The following TNKS variants were observed in gnomAD, a reference collection of about 807,000 sequenced individuals.
The protein encoded by TNKS is tankyrase.
TNKS carries 72 observed loss-of-function variants against 135.8 expected under a neutral mutation model. The observed-to-expected ratio is 0.53, with a 90% confidence interval of 0.44 to 0.64. The LOEUF is 0.64. Among genes scored for constraint, TNKS ranks in the 30% least tolerant of loss-of-function variants. TNKS has a pLI of 0.00. For missense variants in TNKS, 1,769 were observed against 1,674.0 expected (o/e 1.06, Z -0.99); for synonymous variants, 849 against 649.3 (o/e 1.31, Z -4.68).
In TNKS at chr8:9,767,347, C is replaced by CAAAAGAATTATACTGTACAAA. The variant is rs1158423761; in HGVS notation, c.3740+923_3740+943dup. ...CCCTTTCCTTGGCAATGAAAAAATA[C>CAAAAGAATTATACTGTACAAA]AAAAGAATTATACTGTACAAAGATT... On this transcript the variant is annotated intron_variant, in intron 25 of 26. Transcript: ENST00000310430. 2.0e-4 allele frequency among the ~76,000 whole-genome samples: 31 copies of CAAAAGAATTATACTGTACAAA among 152,242 alleles called. 1 individual carries two copies. Among genetic ancestry groups the CAAAAGAATTATACTGTACAAA allele is most frequent in the Admixed American group, 1.9e-3 (29 of 15,296 alleles).
At chr8:9,732,617 C>T (rs1347086801) in intron 14 of TNKS, among the ~76,000 whole-genome samples, 1 of 148,522 alleles carries the variant, frequency 6.7e-6, no homozygotes, top group African/African-American at 2.5e-5. Context: ...TACTTTGCTT[C>T]TGCCATGTGT....
chr8:9,764,707 G>T lies in TNKS; in HGVS notation c.3373-9G>T, dbSNP rs751380495. 1.7e-5 allele frequency: 27 copies of T among 1,587,798 alleles called. No individual in the cohort carries two copies. The highest frequency in any genetic ancestry group is 9.2e-5 in the Admixed American group (5 of 54,380). ...ATGTTTTTATAAAATTAGTTATTTT[G>T]TTCTGTAGATGCAAAGTACTATTCG... On this transcript the variant is annotated splice_polypyrimidine_tract_variant and intron_variant, in intron 22 of 26. Coordinates refer to ENST00000310430, the MANE Select transcript of TNKS (RefSeq NM_003747.3).
intron 20 of TNKS, 90 bp from the exon 21 acceptor site, chr8:9,761,426 G>A: frequency 7.6e-7 from 1 of 1,317,882 alleles, no homozygotes; most frequent in Non-Finnish European, 1.0e-6. Flanking sequence ...TAATTTGAAT[G>A]GTACTCGTAG....
chr8:9,560,064 T>A (rs1336930455), intron 1 of TNKS, among the ~76,000 whole-genome samples: 1 of 152,138 alleles, frequency 6.6e-6, no homozygotes, highest in Non-Finnish European at 1.5e-5. Context: ...TTGACCCTGG[T>A]TTTCTATTAT....
rs192682380 is a variant in TNKS at position 9,574,102 on chromosome 8, G to C, written c.674-6057G>C. On this transcript the variant is annotated intron_variant, in intron 1 of 26. Transcript: ENST00000310430. ...ATATTGGGGTTAGGCTATGTGTTAGGAATTTGGGTTTCTTCACTGCCAGCA... is the reference window on the plus strand; with the variant it reads ...ATATTGGGGTTAGGCTATGTGTTAGCAATTTGGGTTTCTTCACTGCCAGCA... Among the ~76,000 whole-genome samples, 189 of 152,222 alleles carry C rather than the reference G, an allele frequency of 1.2e-3. 1 individual carries two copies. The highest frequency in any genetic ancestry group is 4.3e-3 in the African/African-American group (177 of 41,534).
chr8:9,596,120 T>TATAC (rs1463110788), intron 2 of TNKS, among the ~76,000 whole-genome samples: 15 of 152,098 alleles, frequency 9.9e-5, no homozygotes, highest in African/African-American at 3.1e-4. Flanking sequence ...AAAATACATA[T>TATAC]ATACATACAT....
At chr8:9,651,237 G>T (rs924994635) in intron 3 of TNKS, among the ~76,000 whole-genome samples, 3 of 151,560 alleles carry the variant, frequency 2.0e-5, no homozygotes, top group African/African-American at 7.3e-5. Flanking sequence ...CACTTCTGTT[G>T]GTTTTTTTAA....
intron 3 of TNKS, among the ~76,000 whole-genome samples, chr8:9,633,898 G>A (rs1226437263): frequency 6.6e-6 from 1 of 152,082 alleles, no homozygotes; most frequent in African/African-American, 2.4e-5. Context: ...TAGCTTGGCA[G>A]CAACCTTGTT....
At chr8:9,719,959 G>A (rs996988693) in intron 11 of TNKS, among the ~76,000 whole-genome samples, 3 of 152,122 alleles carry the variant, frequency 2.0e-5, no homozygotes, top group South Asian at 2.1e-4. Context: ...GACAGTCTTT[G>A]CTTACATATG....
intron 2 of TNKS, among the ~76,000 whole-genome samples, chr8:9,596,705 T>C (rs139931640): frequency 0.011 from 1,707 of 152,342 alleles, 16 homozygotes; most frequent in Non-Finnish European, 0.016. Flanking sequence ...TTTCAGACTT[T>C]TGTGTCAAGC....
intron 2 of TNKS, among the ~76,000 whole-genome samples, chr8:9,597,132 T>A (rs1421018470): frequency 2.6e-5 from 4 of 152,246 alleles, no homozygotes; most frequent in Non-Finnish European, 5.9e-5. Context: ...CAATTAAGTA[T>A]GAATTGCAAT....
intron 26 of TNKS, among the ~76,000 whole-genome samples, chr8:9,772,930 G>A (rs1260945247): frequency 6.7e-6 from 1 of 148,418 alleles, no homozygotes; most frequent in Non-Finnish European, 1.5e-5. Context: ...TAAAGCAAAT[G>A]AGATAAATAA....
At chr8:9,719,881 T>G (rs1208772969) in intron 11 of TNKS, among the ~76,000 whole-genome samples, 1 of 152,256 alleles carries the variant, frequency 6.6e-6, no homozygotes, top group African/African-American at 2.4e-5. Context: ...AATATGCTTG[T>G]AATTCAATTA....
At chr8:9,559,393 T>G (rs1797233359) in intron 1 of TNKS, among the ~76,000 whole-genome samples, 1 of 152,188 alleles carries the variant, frequency 6.6e-6, no homozygotes, top group South Asian at 2.1e-4. Flanking sequence ...TGCTTTTATT[T>G]ATTTTTAAAA....
intron 26 of TNKS, among the ~76,000 whole-genome samples, chr8:9,771,604 A>G (rs1308135825): frequency 1.5e-4 from 18 of 122,824 alleles, no homozygotes; most frequent in African/African-American, 5.7e-4. Flanking sequence ...GAAAGAAAGA[A>G]GGGAGGAAGA....
intron 5 of TNKS, among the ~76,000 whole-genome samples, chr8:9,696,542 T>TA (rs1803522864): frequency 6.6e-6 from 1 of 152,032 alleles, no homozygotes; most frequent in Non-Finnish European, 1.5e-5. Context: ...ATTCTAAGTA[T>TA]AAAAAACCGT....
chr8:9,706,335 T>G, intron 7 of TNKS, 82 bp downstream of exon 7: 9 of 1,091,570 alleles, frequency 8.2e-6, no homozygotes, highest in Non-Finnish European at 1.2e-5. Context: ...ACTTTCGGCC[T>G]CATGAAAGTT....
intron 3 of TNKS, among the ~76,000 whole-genome samples, chr8:9,673,032 TCC>T (rs896864627): frequency 8.1e-4 from 124 of 152,308 alleles, no homozygotes; most frequent in African/African-American, 2.9e-3. Flanking sequence ...CCTTTTAATA[TCC>T]AATTTAAAGA....
Position 9,642,942 on chromosome 8 carries a change from A to G in TNKS, c.994+27265A>G, listed in dbSNP as rs901592506. Among the ~76,000 whole-genome samples, 7 of 146,176 alleles carry G rather than the reference A, an allele frequency of 4.8e-5. 1 individual carries two copies. The highest frequency in any genetic ancestry group is 1.8e-4 in the African/African-American group (7 of 39,546). ...AAGTAACTGATTATACTCTACCCCC[A>G]TAATAGTAAGGAGAGATTAATATTT... On this transcript the variant is annotated intron_variant, in intron 3 of 26. Transcript: ENST00000310430.
Sources: gnomAD v4.1 joint callset for allele counts (sites outside exome capture counted in the v4.1 genomes callset) on GRCh38, gnomAD v4.1.1 for gene constraint, MANE v1.5 for transcripts, NCBI Gene and HGNC (gene_info 2026-07-23, HGNC 2026-07-21) for gene names.